The following AIFM2 variants were observed in gnomAD, a reference collection of about 807,000 sequenced individuals.
AIFM2 encodes AIF family member 2, ferroptosis suppressor.
A neutral mutation model predicts 35.7 loss-of-function variants in AIFM2; 38 were observed. The observed-to-expected ratio is 1.06, with a 90% CI of 0.82 to 1.39. AIFM2 has a LOEUF of 1.39. AIFM2 is among the 40% of genes most tolerant of loss of function. The pLI is 0.00. For synonymous variants in AIFM2, 185 were observed against 203.5 expected (o/e 0.91, Z 0.77); for missense variants, 476 against 491.2 (o/e 0.97, Z 0.29).
chr10:70,124,230 A>G lies in AIFM2; in HGVS notation c.-13-133T>C, dbSNP rs1343622927. 3 of 628,738 alleles carry G rather than the reference A, an allele frequency of 4.8e-6. No homozygotes were observed. In the African/African-American group the frequency reaches 5.7e-5, roughly 12 times the overall value. 38.9% of individuals were successfully genotyped at this position (628,738 alleles called of 1,614,324 possible). A position where few individuals can be genotyped will look rare whatever the true frequency, so the allele number is the denominator to read the frequency against. On this transcript the variant is annotated intron_variant, in intron 1 of 8. Coordinates refer to ENST00000307864, the MANE Select transcript of AIFM2 (RefSeq NM_032797.6). ...TAAATCTTTGATTAATGAAACTCCAATTTTATAAAATTTGAATTAAATTCA... is the reference window on the plus strand; with the variant it reads ...TAAATCTTTGATTAATGAAACTCCAGTTTTATAAAATTTGAATTAAATTCA...
At chr10:70,125,115 CT>C (rs1268215063) in intron 1 of AIFM2, among the ~76,000 whole-genome samples, 38 of 152,158 alleles carry the variant, frequency 2.5e-4, no homozygotes, top group Non-Finnish European at 4.6e-4. Flanking sequence ...GGCCCTTGAT[CT>C]TGGACTTCCC....
intron 5 of AIFM2, among the ~76,000 whole-genome samples, chr10:70,119,471 C>T (rs2072474042): frequency 6.6e-6 from 1 of 152,104 alleles, no homozygotes. Flanking sequence ...TTGAATTGAA[C>T]CGTAGGACAC....
At chr10:70,126,627 TG>T (rs747722307) in intron 1 of AIFM2, among the ~76,000 whole-genome samples, 5 of 152,186 alleles carry the variant, frequency 3.3e-5, no homozygotes, top group Admixed American at 6.5e-5. Context: ...TCGTACACAC[TG>T]GTTTCCAAGA....
At chr10:70,124,198 G>T in intron 1 of AIFM2, 101 bp from the exon 2 acceptor site, 1 of 875,754 alleles carries the variant, frequency 1.1e-6, no homozygotes, top group Non-Finnish European at 1.6e-6. Context: ...GACCTTTTTA[G>T]ATGAGGTAAA....
chr10:70,124,091 T>C lies in AIFM2; in HGVS notation c.-7A>G, dbSNP rs368472528. ...CCGAGACCTGGGACCCCATCTCAAATCAGGCACTGCTGGGAAGAAAGAGGA... is the reference window on the plus strand; with the variant it reads ...CCGAGACCTGGGACCCCATCTCAAACCAGGCACTGCTGGGAAGAAAGAGGA... On this transcript the variant is annotated 5_prime_UTR_variant, in exon 2 of 9. Coordinates refer to ENST00000307864, the MANE Select transcript of AIFM2 (RefSeq NM_032797.6). 6.7e-7 allele frequency: 1 copy of C among 1,496,460 alleles called. No individual in the cohort carries two copies. The highest frequency in any genetic ancestry group is 1.4e-5 in the African/African-American group (1 of 70,976). The allele number at this position is 1,496,460 out of a possible 1,614,324, so 92.7% of individuals were successfully genotyped here. A position where few individuals can be genotyped will look rare whatever the true frequency, so the allele number is the denominator to read the frequency against.
chr10:70,121,567 TC>T (rs1054462142), intron 3 of AIFM2, among the ~76,000 whole-genome samples: 17 of 151,870 alleles, frequency 1.1e-4, no homozygotes, highest in Admixed American at 1.1e-3. Flanking sequence ...GCTCAGAACC[TC>T]CCGGGTGTTT....
In AIFM2 at chr10:70,118,049, A is replaced by G. The variant is rs12247448; in HGVS notation, c.508-129T>C. 1.7e-4 allele frequency: 116 copies of G among 685,448 alleles called. 1 individual carries two copies. In the African/African-American group the frequency reaches 1.9e-3, roughly 11 times the overall value. The allele number at this position is 685,448 out of a possible 1,614,324, so 42.5% of individuals were successfully genotyped here. ...AGGAAACTGAAGCTCCAGAGAAGTA[A>G]TCTGTCCAATGCCAGGACCAATTAG... On this transcript the variant is annotated intron_variant, in intron 5 of 8. Coordinates refer to ENST00000307864, the MANE Select transcript of AIFM2 (RefSeq NM_032797.6).
rs779017663 is a variant in AIFM2, at chr10:70,121,084, C to T, written c.414+8G>A. 2.5e-6 allele frequency: 4 copies of T among 1,609,544 alleles called. No homozygotes were observed. The highest frequency in any genetic ancestry group is 2.5e-6 in the Non-Finnish European group (3 of 1,179,160). On this transcript the variant is annotated splice_region_variant and intron_variant, in intron 4 of 8. Transcript: ENST00000307864. ...CACACTGCCCCATGCCTTCAGTGCA[C>T]AGCTCACCTGCCTCACCATGTCCTC...
intron 1 of AIFM2, among the ~76,000 whole-genome samples, chr10:70,132,458 A>G (rs2072636692): frequency 6.6e-6 from 1 of 152,102 alleles, no homozygotes; most frequent in Non-Finnish European, 1.5e-5. Flanking sequence ...TTCCTTAGGA[A>G]AACTTAGCAG....
intron 1 of AIFM2, among the ~76,000 whole-genome samples, chr10:70,128,354 G>A (rs894205596): frequency 2.0e-5 from 3 of 151,948 alleles, no homozygotes; most frequent in African/African-American, 7.3e-5. Flanking sequence ...AAGGGTGAGT[G>A]ATGTTTTGTT....
intron 1 of AIFM2, among the ~76,000 whole-genome samples, chr10:70,128,357 G>A (rs1218393032): frequency 2.0e-5 from 3 of 151,910 alleles, no homozygotes; most frequent in Non-Finnish European, 2.9e-5. Context: ...GGTGAGTGAT[G>A]TTTTGTTTTG....
At chr10:70,123,709 G>C (rs143559367) in intron 2 of AIFM2, among the ~76,000 whole-genome samples, 189 bp from the exon 3 acceptor site, 1 of 152,286 alleles carries the variant, frequency 6.6e-6, no homozygotes, top group African/African-American at 2.4e-5. Flanking sequence ...CGTCAGAAAA[G>C]CTCAAGCTTT....
chr10:70,124,826 C>T (rs1457182768), intron 1 of AIFM2, among the ~76,000 whole-genome samples: 1 of 152,218 alleles, frequency 6.6e-6, no homozygotes, highest in Non-Finnish European at 1.5e-5. Context: ...AGGTCACCAA[C>T]TTAAGGTCCA....
At chr10:70,125,500 C>T (rs1042029337) in intron 1 of AIFM2, among the ~76,000 whole-genome samples, 9 of 146,962 alleles carry the variant, frequency 6.1e-5, no homozygotes, top group African/African-American at 2.3e-4. Flanking sequence ...CACCTATAGG[C>T]CCCGCTAATT....
In AIFM2 at chr10:70,125,437, C is replaced by CAAAAAAAAAAAAA. The variant is rs199638586; in HGVS notation, c.-13-1353_-13-1341dup. Among the ~76,000 whole-genome samples, 13 of 67,960 alleles carry CAAAAAAAAAAAAA rather than the reference C, an allele frequency of 1.9e-4. 1 individual carries two copies. Among genetic ancestry groups the CAAAAAAAAAAAAA allele is most frequent in the Non-Finnish European group, 2.9e-4 (11 of 38,184 alleles). The allele number at this position is 67,960 out of a possible 152,430, so 44.6% of individuals were successfully genotyped here. ...GTAACATAGAGAGACTCTGTCTCTA[C>CAAAAAAAAAAAAA]AAAAAAAAAAAAAAAAAAAAAAAAA... On this transcript the variant is annotated intron_variant, in intron 1 of 8. Coordinates refer to ENST00000307864, the MANE Select transcript of AIFM2 (RefSeq NM_032797.6).
intron 2 of AIFM2, among the ~76,000 whole-genome samples, 180 bp from the exon 3 acceptor site, chr10:70,123,700 G>A (rs775764333): frequency 5.9e-5 from 9 of 152,272 alleles, no homozygotes; most frequent in South Asian, 2.1e-4. Flanking sequence ...GCCTCAGACC[G>A]TCAGAAAAGC....
At chr10:70,120,136 GT>G (rs2072482273) in intron 5 of AIFM2, among the ~76,000 whole-genome samples, 1 of 152,230 alleles carries the variant, frequency 6.6e-6, no homozygotes, top group South Asian at 2.1e-4. Context: ...TCAAATACTG[GT>G]TGCCAGCAAG....
chr10:70,116,585 G>C (rs2072438393), intron 7 of AIFM2, 37 bp downstream of exon 7: 1 of 1,611,296 alleles, frequency 6.2e-7, no homozygotes, highest in African/African-American at 1.3e-5. Flanking sequence ...TGGAGAGCAA[G>C]GAGGCACAGG....
rs2072449673 is a variant in AIFM2 at position 70,117,328 on chromosome 10, C to T, written c.616+484G>A. On this transcript the variant is annotated intron_variant, in intron 6 of 8. Transcript: ENST00000307864. This position sits in a 1 kb window ranked among gnomAD's most constrained non-coding sequence, Gnocchi z 4.7. ...GGCCCCATGCAGTGAAGTGTAGGGG[C>T]CACAGCGCTGGAAGAGAACCTCACT... Among the ~76,000 whole-genome samples the T allele has an allele frequency of 6.6e-6, 1 of 152,190 alleles. No homozygotes were observed. The highest frequency in any genetic ancestry group is 2.1e-4 in the South Asian group (1 of 4,828).
Sources: gnomAD v4.1 joint callset for allele counts (sites outside exome capture counted in the v4.1 genomes callset) on GRCh38, gnomAD v4.1.1 for gene constraint, Gnocchi (gnomAD v3.1) non-coding constraint, MANE v1.5 for transcripts, NCBI Gene and HGNC (gene_info 2026-07-23, HGNC 2026-07-21) for gene names.